The following SYTL3 variants were observed in gnomAD, a reference collection of about 807,000 sequenced individuals.
The protein encoded by SYTL3 is synaptotagmin-like protein 3.
In SYTL3, 88 loss-of-function variants were observed where a neutral mutation model predicts 82.1. The observed-to-expected ratio is 1.07, with a 90% CI of 0.90 to 1.28. SYTL3 has a LOEUF of 1.28. Ranked by LOEUF, SYTL3 falls within the 50% of genes most tolerant of loss-of-function variation. SYTL3 has a pLI of 0.00. For missense variants in SYTL3, 831 were observed against 757.6 expected (o/e 1.10, Z -1.14); for synonymous variants, 311 against 289.4 (o/e 1.07, Z -0.76).
chr6:158,717,757 G>C (rs1050629479), intron 9 of SYTL3, among the ~76,000 whole-genome samples: 11 of 152,276 alleles, frequency 7.2e-5, no homozygotes, highest in Admixed American at 7.2e-4. Flanking sequence ...GTTTGGATGA[G>C]TGCACACACA....
chr6:158,664,504 C>T (rs545993663), intron 4 of SYTL3, among the ~76,000 whole-genome samples: 1 of 152,292 alleles, frequency 6.6e-6, no homozygotes, highest in African/African-American at 2.4e-5. Flanking sequence ...GATCGCGCCA[C>T]TGCACTCCAG....
chr6:158,707,326 G>T (rs373009593), intron 7 of SYTL3, 45 bp downstream of exon 7: 1 of 1,581,298 alleles, frequency 6.3e-7, no homozygotes. Context: ...TCCGGGGCAG[G>T]AGCGCAGAGG....
intron 13 of SYTL3, among the ~76,000 whole-genome samples, chr6:158,756,718 AATTTTT>A (rs1789136012): frequency 4.2e-5 from 2 of 47,396 alleles, no homozygotes; most frequent in African/African-American, 7.1e-5. Context: ...CTCAAAAAAA[AATTTTT>A]TTTTTTTTTT....
intron 11 of SYTL3, among the ~76,000 whole-genome samples, chr6:158,741,288 C>T (rs532371974): frequency 2.0e-5 from 3 of 152,246 alleles, no homozygotes; most frequent in Admixed American, 6.5e-5. Flanking sequence ...CAGCTGGTCT[C>T]GAACTCCTGA....
rs141405667 is a variant in SYTL3, at chr6:158,708,248, A to T, written c.447-74A>T. On this transcript the variant is annotated intron_variant, in intron 7 of 17. Coordinates refer to ENST00000611299, the MANE Select transcript of SYTL3 (RefSeq NM_001242394.2). The stretch of plus-strand genomic sequence containing the variant: ...AACTAGAATTATAGAATAATGGCAC[A>T]TTTTGTGTATTTGTAAAACTAACGG... 1.3e-3 allele frequency: 1,682 copies of T among 1,275,638 alleles called. 11 individuals carry two copies. The African/African-American group carries it at 0.021, about 16-fold the overall frequency. 79.0% of individuals were successfully genotyped at this position (1,275,638 alleles called of 1,614,324 possible).
At chr6:158,677,924 C>T (rs377330124) in intron 5 of SYTL3, among the ~76,000 whole-genome samples, 7 of 152,074 alleles carry the variant, frequency 4.6e-5, no homozygotes, top group African/African-American at 1.4e-4. Context: ...CGGTCTCACA[C>T]TATTGCCCAG....
At chr6:158,718,595 C>G (rs957918431) in intron 10 of SYTL3, among the ~76,000 whole-genome samples, 2 of 152,234 alleles carry the variant, frequency 1.3e-5, no homozygotes, top group African/African-American at 4.8e-5. Context: ...AAAATCTATC[C>G]TGACCTCTGA....
intron 8 of SYTL3, among the ~76,000 whole-genome samples, chr6:158,709,804 T>A (rs970209124): frequency 1.3e-5 from 2 of 152,108 alleles, no homozygotes; most frequent in African/African-American, 4.8e-5. Context: ...TTAAAAAATT[T>A]AAAGGGGATT....
intron 9 of SYTL3, 49 bp downstream of exon 9, chr6:158,713,927 C>T (rs753243812): frequency 4.1e-5 from 57 of 1,400,118 alleles, no homozygotes; most frequent in Middle Eastern, 1.7e-4. Context: ...CCAGGCCAGC[C>T]GAGCCCACTG....
chr6:158,684,543 G>C (rs554333727), intron 6 of SYTL3, among the ~76,000 whole-genome samples: 1 of 152,252 alleles, frequency 6.6e-6, no homozygotes, highest in South Asian at 2.1e-4. Context: ...GACTATATCA[G>C]GGATGCGGGC....
intron 6 of SYTL3, among the ~76,000 whole-genome samples, chr6:158,701,847 A>G (rs13197644): frequency 0.47 from 71,192 of 151,502 alleles, 17,320 homozygotes; most frequent in Non-Finnish European, 0.53. Flanking sequence ...CTAGGGTAGA[A>G]CGCTGCCTCC....
chr6:158,746,588 C>G (rs957238908), intron 12 of SYTL3, among the ~76,000 whole-genome samples: 1 of 151,528 alleles, frequency 6.6e-6, no homozygotes, highest in African/African-American at 2.4e-5. Flanking sequence ...GCCTCAGTCT[C>G]CTGAGCATCT....
At chr6:158,731,842 C>A (rs1785459528) in intron 11 of SYTL3, among the ~76,000 whole-genome samples, 1 of 152,218 alleles carries the variant, frequency 6.6e-6, no homozygotes, top group Admixed American at 6.5e-5. Context: ...ATCCACCCAC[C>A]TTGGCCTTCC....
At chr6:158,696,325 G>A (rs1027263233) in intron 6 of SYTL3, among the ~76,000 whole-genome samples, 4 of 151,352 alleles carry the variant, frequency 2.6e-5, no homozygotes, top group Admixed American at 2.0e-4. Flanking sequence ...TCAGCCTCCC[G>A]AGTAGCTGGG....
chr6:158,718,125 C>T lies in SYTL3; in HGVS notation c.634C>T (p.His212Tyr). 6.5e-7 allele frequency: 1 copy of T among 1,546,476 alleles called. No homozygotes were observed. The highest frequency in any genetic ancestry group is 2.0e-5 in the Admixed American group (1 of 50,554). The change falls in exon 10 of 18, where the codon CAT becomes TAT. Residue 212 changes from histidine (H) to tyrosine (Y), a missense_variant. Physicochemically the swap from His to Tyr is moderately conservative, Grantham distance 83 (BLOSUM62 2). Transcript: ENST00000611299. ...KSQNDMTSEK[H>Y]LLATGPRQCV... ...CCAGAATGATATGACTTCTGAGAAGCATCTTCTCGCCACGGGCCCCAGGCA... is the reference window on the plus strand; with the variant it reads ...CCAGAATGATATGACTTCTGAGAAGTATCTTCTCGCCACGGGCCCCAGGCA...
At chr6:158,647,953 T>A (rs1023834127), upstream of SYTL3, among the ~76,000 whole-genome samples, 1 of 152,220 alleles carries the variant, frequency 6.6e-6, no homozygotes, top group African/African-American at 2.4e-5. Flanking sequence ...GTGGGCCTAA[T>A]AATCATAGCA....
chr6:158,666,268 C>T (rs762707829), intron 5 of SYTL3, among the ~76,000 whole-genome samples: 8 of 152,250 alleles, frequency 5.3e-5, no homozygotes, highest in South Asian at 2.1e-4. Context: ...TTAAATACTG[C>T]GTTTTTGAAG....
chr6:158,710,941 C>T (rs753829141), intron 8 of SYTL3, among the ~76,000 whole-genome samples: 24 of 152,094 alleles, frequency 1.6e-4, no homozygotes, highest in Non-Finnish European at 2.8e-4. Flanking sequence ...CCACCAGGCC[C>T]AGCTAATTTG....
chr6:158,707,058 A>G (rs1319914963), intron 6 of SYTL3, among the ~76,000 whole-genome samples, 172 bp from the exon 7 acceptor site: 2 of 152,174 alleles, frequency 1.3e-5, no homozygotes, highest in Non-Finnish European at 2.9e-5. Flanking sequence ...AAGTTGTACA[A>G]CCATCTCTAC....
Sources: allele counts gnomAD v4.1 joint callset (sites outside exome capture counted in the v4.1 genomes callset), GRCh38; gene constraint gnomAD v4.1.1; transcripts MANE v1.5; gene names NCBI Gene and HGNC (gene_info 2026-07-23, HGNC 2026-07-21).